GPHN: variants seen among roughly 807,000 people sequenced by gnomAD.
GPHN encodes gephyrin.
GPHN carries 17 observed loss-of-function variants against 95.5 expected under a neutral mutation model. The observed-to-expected ratio is 0.18, with a 90% CI of 0.12 to 0.27. The LOEUF is 0.27. Ranked by LOEUF, GPHN falls within the 10% of genes least tolerant of loss-of-function variation. The pLI is 1.00. For missense variants in GPHN, 660 were observed against 978.1 expected (o/e 0.67, Z 4.34); for synonymous variants, 320 against 322.5 (o/e 0.99, Z 0.08).
At chr14:66,915,893 C>T in intron 5 of GPHN, 110 bp from the exon 6 acceptor site, 1 of 747,654 alleles carries the variant, frequency 1.3e-6, no homozygotes, top group South Asian at 1.4e-5. Flanking sequence ...ACTTTTATTC[C>T]TAAAACAGTT....
intron 2 of GPHN, among the ~76,000 whole-genome samples, chr14:66,702,687 AT>A (rs2068669758): frequency 6.6e-6 from 1 of 152,216 alleles, no homozygotes; most frequent in Non-Finnish European, 1.5e-5. Context: ...AGACAAACTC[AT>A]GAAGATGAGA....
At position 67,125,625 on chromosome 14, in the gene GPHN, A is replaced by G. The variant is rs897886106; in HGVS notation, c.1748+3248A>G. Among the ~76,000 whole-genome samples, 28 of 152,286 alleles carry G rather than the reference A, an allele frequency of 1.8e-4. 1 individual carries two copies. The South Asian group carries it at 1.9e-3, about 10-fold the overall frequency. ...ACCCCCGTCTGTACTAAAAATACAA[A>G]AATTAGCTAGGCATGGTGGTGCATG... On this transcript the variant is annotated intron_variant, in intron 17 of 22. Coordinates refer to ENST00000478722, the MANE Select transcript of GPHN (RefSeq NM_020806.5).
chr14:66,871,412 A>T (rs781371529), intron 4 of GPHN, among the ~76,000 whole-genome samples: 20 of 152,228 alleles, frequency 1.3e-4, no homozygotes, highest in Non-Finnish European at 2.6e-4. Context: ...GCAAGTAATG[A>T]AATAAATATT....
At chr14:66,946,168 T>A (rs911418277) in intron 8 of GPHN, among the ~76,000 whole-genome samples, 16 of 152,208 alleles carry the variant, frequency 1.1e-4, no homozygotes, top group East Asian at 1.9e-4. Context: ...ATATTTTTTT[T>A]AAAAGCATGA....
At chr14:67,635,055 G>A in the GPHN span, among the ~76,000 whole-genome samples, 1 of 152,018 alleles carries the variant, frequency 6.6e-6, no homozygotes, top group Non-Finnish European at 1.5e-5. Flanking sequence ...GACCAGCCTC[G>A]GTAAAATGGC....
chr14:67,492,715 A>C, the GPHN span, among the ~76,000 whole-genome samples: 11 of 152,160 alleles, frequency 7.2e-5, no homozygotes, highest in Non-Finnish European at 1.3e-4. Flanking sequence ...CCACCTAGAG[A>C]TTTCTAAACA....
At chr14:66,946,354 C>G (rs1445653768) in intron 8 of GPHN, among the ~76,000 whole-genome samples, 1 of 152,102 alleles carries the variant, frequency 6.6e-6, no homozygotes, top group Admixed American at 6.6e-5. Context: ...AATCACCAAA[C>G]CAGCCAAGAA....
chr14:66,604,544 G>C (rs2062419660), intron 1 of GPHN, among the ~76,000 whole-genome samples: 1 of 151,846 alleles, frequency 6.6e-6, no homozygotes, highest in Admixed American at 6.6e-5. Context: ...ATATAAACTT[G>C]TAAGTTCCTC....
intron 17 of GPHN, among the ~76,000 whole-genome samples, chr14:67,131,078 T>A (rs1364215983): frequency 6.6e-6 from 1 of 152,060 alleles, no homozygotes; most frequent in Non-Finnish European, 1.5e-5. Flanking sequence ...AGGGGAAGAG[T>A]TGAAGACAAA....
At chr14:67,284,547 T>TAAAAAAAAAAAAAAAAAAAAAAAAAAAAA in the GPHN span, among the ~76,000 whole-genome samples, 1 of 23,296 alleles carries the variant, frequency 4.3e-5, no homozygotes, top group African/African-American at 1.2e-4. Flanking sequence ...GCTGCAGTGC[T>TAAAAAAAAAAAAAAAAAAAAAAAAAAAAA]AAAAAAAAAA....
chr14:67,608,698 T>A, the GPHN span, among the ~76,000 whole-genome samples: 547 of 152,318 alleles, frequency 3.6e-3, 3 homozygotes, highest in African/African-American at 0.011. Flanking sequence ...TTTGTCACAG[T>A]CCTGGAGGCT....
the GPHN span, among the ~76,000 whole-genome samples, chr14:67,535,345 G>A: frequency 1.4e-5 from 2 of 144,404 alleles, no homozygotes; most frequent in East Asian, 4.3e-4. Flanking sequence ...CAGATCTCCA[G>A]AGTTAGATCT....
chr14:67,426,493 C>T, the GPHN span, among the ~76,000 whole-genome samples: 17 of 152,290 alleles, frequency 1.1e-4, no homozygotes, highest in African/African-American at 3.6e-4. Context: ...GTGGCCGGTG[C>T]GATTGCCTTC....
At chr14:66,890,391 A>C (rs1596292486) in intron 5 of GPHN, among the ~76,000 whole-genome samples, 4 of 149,666 alleles carry the variant, frequency 2.7e-5, no homozygotes, top group South Asian at 4.3e-4. Context: ...AGCCTGGGCA[A>C]CAGAGTGAGA....
intron 6 of GPHN, among the ~76,000 whole-genome samples, chr14:66,917,721 TC>T (rs1211181547): frequency 2.0e-5 from 3 of 152,206 alleles, no homozygotes; most frequent in Non-Finnish European, 4.4e-5. Flanking sequence ...GTGTTTAACT[TC>T]TTTCTTTATA....
At chr14:66,739,862 TA>T (rs2072644665) in intron 2 of GPHN, among the ~76,000 whole-genome samples, 1 of 151,780 alleles carries the variant, frequency 6.6e-6, no homozygotes, top group African/African-American at 2.4e-5. Flanking sequence ...AAAATAAAAC[TA>T]AAAAGCAAAA....
chr14:67,559,235 T>G, the GPHN span, among the ~76,000 whole-genome samples: 2 of 152,198 alleles, frequency 1.3e-5, no homozygotes, highest in Non-Finnish European at 2.9e-5. Flanking sequence ...CACATGCTTA[T>G]AGTTAAAAAT....
At chr14:67,277,778 G>A in the GPHN span, among the ~76,000 whole-genome samples, 6 of 152,070 alleles carry the variant, frequency 3.9e-5, no homozygotes, top group Non-Finnish European at 7.4e-5. Context: ...GGTAATTAAT[G>A]TAAGTATACA....
At chr14:67,365,918 G>A in the GPHN span, among the ~76,000 whole-genome samples, 4 of 152,050 alleles carry the variant, frequency 2.6e-5, no homozygotes, top group African/African-American at 9.7e-5. Flanking sequence ...TTATGCCTTA[G>A]GTAGTGACTG....
Sources: allele counts gnomAD v4.1 joint callset (sites outside exome capture counted in the v4.1 genomes callset), GRCh38; gene constraint gnomAD v4.1.1; transcripts MANE v1.5; gene names NCBI Gene and HGNC (gene_info 2026-07-23, HGNC 2026-07-21).